CDH4: variants seen among roughly 807,000 people sequenced by gnomAD.
CDH4 encodes the protein cadherin 4.
CDH4 carries 33 observed loss-of-function variants against 86.0 expected under a neutral mutation model. That is an observed-to-expected ratio of 0.38 (90% CI 0.29 to 0.51). The LOEUF is 0.51. Among genes scored for constraint, CDH4 ranks in the 20% least tolerant of loss-of-function variants. The probability of loss-of-function intolerance (pLI) is 0.86; values close to 1 mark genes in which losing one functional copy is unlikely to be tolerated. For missense variants in CDH4, 1,114 were observed against 1,307.4 expected (o/e 0.85, Z 2.28); for synonymous variants, 555 against 549.4 (o/e 1.01, Z -0.14).
At chr20:61,772,441 T>C (rs765079379) in intron 3 of CDH4, among the ~76,000 whole-genome samples, 21 of 152,236 alleles carry the variant, frequency 1.4e-4, no homozygotes, top group Non-Finnish European at 2.4e-4. Context: ...ATAAGTTTAT[T>C]GATCATTTAT....
At chr20:61,716,238 A>C (rs956220053) in intron 2 of CDH4, among the ~76,000 whole-genome samples, 2 of 152,072 alleles carry the variant, frequency 1.3e-5, no homozygotes, top group East Asian at 3.9e-4. Context: ...CCTTGGCTGG[A>C]GCTATAAAGG....
At chr20:61,725,173 T>A (rs1267973144) in intron 2 of CDH4, among the ~76,000 whole-genome samples, 1 of 152,190 alleles carries the variant, frequency 6.6e-6, no homozygotes, top group Non-Finnish European at 1.5e-5. Context: ...GTGGAGTCAG[T>A]GTGTTGATGA....
chr20:61,513,443 C>T (rs1290322536), intron 2 of CDH4, among the ~76,000 whole-genome samples: 1 of 152,192 alleles, frequency 6.6e-6, no homozygotes, highest in Non-Finnish European at 1.5e-5. Context: ...GCCAACCTCA[C>T]AGCAACCCCA....
At chr20:61,875,585 A>G (rs746635567) in intron 7 of CDH4, among the ~76,000 whole-genome samples, 5 of 152,136 alleles carry the variant, frequency 3.3e-5, no homozygotes, top group Non-Finnish European at 7.4e-5. Context: ...GGATTTACAT[A>G]AACGTTCTTA....
Position 61,341,117 on chromosome 20 carries a change from TCTC to T in CDH4, c.169+86181_169+86183del, listed in dbSNP as rs2084647299. On this transcript the variant is annotated intron_variant, in intron 2 of 15. Transcript: ENST00000614565. ...CTGGCCTTCACCGTAAGCTTGCCCTTCTCGCTCAGTGAGATAAAGTGCAAGCAT... is the reference window on the plus strand; with the variant it reads ...CTGGCCTTCACCGTAAGCTTGCCCTTGCTCAGTGAGATAAAGTGCAAGCAT... Among the ~76,000 whole-genome samples, 7 of 152,340 alleles carry T rather than the reference TCTC, an allele frequency of 4.6e-5. No individual in the cohort carries two copies. In the South Asian group the frequency reaches 1.2e-3, roughly 27 times the overall value.
intron 2 of CDH4, chr20:61,718,116 G>C (rs114114348): frequency 2.6e-5 from 4 of 152,742 alleles, no homozygotes; most frequent in Non-Finnish European, 5.8e-5. Flanking sequence ...GAGAAGGCAA[G>C]GGAGCACCCA....
intron 4 of CDH4, among the ~76,000 whole-genome samples, chr20:61,789,335 G>T (rs967709821): frequency 6.6e-6 from 1 of 152,196 alleles, no homozygotes; most frequent in Non-Finnish European, 1.5e-5. Context: ...TTCCCAAAAT[G>T]TAGGCTTATT....
In CDH4 at chr20:61,923,549, G is replaced by T. The variant is rs371245202; in HGVS notation, c.1473G>T (p.Thr491=). Reference sequence around the variant, plus strand: ...GAATCCAGATGTCCTTCCAGTCCACGGCAGGGGTGACCATCTCCATCATGG... The same window carrying T: ...GAATCCAGATGTCCTTCCAGTCCACTGCAGGGGTGACCATCTCCATCATGG... ...ASGIQMSFQS[T]AGVTISIMDI... Residue 491 remains threonine, a synonymous_variant, in exon 10 of 16, where the codon ACG becomes ACT. Transcript: ENST00000614565. 8.1e-6 allele frequency: 13 copies of T among 1,614,168 alleles called. No homozygotes were observed. In the South Asian group the frequency reaches 1.4e-4, roughly 18 times the overall value.
Position 61,910,688 on chromosome 20 carries a change from A to G in CDH4, c.1374+81A>G, listed in dbSNP as rs528554898. On this transcript the variant is annotated intron_variant, in intron 9 of 15. Transcript: ENST00000614565. ...CCCTAGGACCAGTCAAACAGGAGTGATACTCGGTGTAAAGTTACTGCCCCC... is the reference window on the plus strand; with the variant it reads ...CCCTAGGACCAGTCAAACAGGAGTGGTACTCGGTGTAAAGTTACTGCCCCC... The G allele has an allele frequency of 1.6e-4, 207 of 1,308,104 alleles. 1 individual carries two copies. In the African/African-American group the frequency reaches 2.7e-3, roughly 17 times the overall value. 81.0% of individuals were successfully genotyped at this position (1,308,104 alleles called of 1,614,324 possible).
intron 2 of CDH4, among the ~76,000 whole-genome samples, chr20:61,716,381 CT>C (rs774258246): frequency 1.3e-5 from 2 of 152,244 alleles, no homozygotes; most frequent in East Asian, 1.9e-4. Context: ...CTCCTCTTGG[CT>C]GGAGCTGTAA....
chr20:61,780,670 CTA>C (rs1380472436), intron 4 of CDH4, among the ~76,000 whole-genome samples: 1 of 152,198 alleles, frequency 6.6e-6, no homozygotes, highest in Non-Finnish European at 1.5e-5. Flanking sequence ...TCAATAATAA[CTA>C]TAAATTCTAG....
intron 2 of CDH4, among the ~76,000 whole-genome samples, chr20:61,569,841 G>GT (rs373628043): frequency 6.2e-4 from 95 of 152,280 alleles, no homozygotes; most frequent in African/African-American, 1.9e-3. Flanking sequence ...CAGGCTAGTT[G>GT]TTTTCTAGAA....
intron 2 of CDH4, among the ~76,000 whole-genome samples, chr20:61,648,494 C>A (rs933574377): frequency 6.6e-6 from 1 of 152,226 alleles, no homozygotes; most frequent in Non-Finnish European, 1.5e-5. Context: ...ACAGGGCCAG[C>A]TCTGCCGAGC....
chr20:61,266,498 G>A (rs1456856117), intron 2 of CDH4, among the ~76,000 whole-genome samples: 1 of 151,938 alleles, frequency 6.6e-6, no homozygotes, highest in African/African-American at 2.4e-5. Flanking sequence ...CTATATTGAT[G>A]TGCCTAGAAA....
At chr20:61,654,772 C>T (rs6061303) in intron 2 of CDH4, among the ~76,000 whole-genome samples, 57,527 of 152,142 alleles carry the variant, frequency 0.38, 11,639 homozygotes, top group Non-Finnish European at 0.46. Flanking sequence ...GGATGGCCAG[C>T]GCCAGTGGCC....
intron 3 of CDH4, among the ~76,000 whole-genome samples, chr20:61,763,138 C>T (rs946934259): frequency 1.3e-5 from 2 of 152,190 alleles, no homozygotes; most frequent in Admixed American, 6.5e-5. Context: ...CGCCAAAGGT[C>T]GGGGCTGCCG....
chr20:61,669,521 A>G (rs1014650823), intron 2 of CDH4, among the ~76,000 whole-genome samples: 1 of 152,226 alleles, frequency 6.6e-6, no homozygotes, highest in Non-Finnish European at 1.5e-5. Context: ...TAGGTGGCCT[A>G]TGCCTCAGCC....
At chr20:61,600,381 G>A (rs887429138) in intron 2 of CDH4, among the ~76,000 whole-genome samples, 1 of 152,230 alleles carries the variant, frequency 6.6e-6, no homozygotes, top group African/African-American at 2.4e-5. Flanking sequence ...TGTTGTGATT[G>A]AGGACACAGG....
chr20:61,274,058 T>G (rs35400171), intron 2 of CDH4, among the ~76,000 whole-genome samples: 63,057 of 119,148 alleles, frequency 0.53, 17,330 homozygotes, highest in South Asian at 0.63. Context: ...CATGTGTAGT[T>G]TGGGGAAGTA....
Sources: gnomAD v4.1 joint callset for allele counts (sites outside exome capture counted in the v4.1 genomes callset) on GRCh38, gnomAD v4.1.1 for gene constraint, MANE v1.5 for transcripts, NCBI Gene and HGNC (gene_info 2026-07-23, HGNC 2026-07-21) for gene names.